The following TUT7 variants were observed in gnomAD, a reference collection of about 807,000 sequenced individuals.
TUT7 encodes terminal uridylyl transferase 7.
In TUT7, 33 loss-of-function variants were observed where a neutral mutation model predicts 165.9. The observed-to-expected ratio is 0.20, with a 90% CI of 0.15 to 0.27. The LOEUF (loss-of-function observed/expected upper bound fraction) is 0.27. Ranked by LOEUF, TUT7 falls within the 10% of genes least tolerant of loss-of-function variation. The probability of loss-of-function intolerance (pLI) is 1.00; values close to 1 mark genes in which losing one functional copy is unlikely to be tolerated. For missense variants in TUT7, 1,338 were observed against 1,762.3 expected (o/e 0.76, Z 4.31); for synonymous variants, 552 against 608.1 (o/e 0.91, Z 1.36).
In TUT7 at chr9:86,323,806, T is replaced by C. The variant is rs367981279; in HGVS notation, c.1944A>G (p.Thr648=). 3 of 1,613,968 alleles carry C rather than the reference T, an allele frequency of 1.9e-6. No individual in the cohort carries two copies. Among genetic ancestry groups the C allele is most frequent in the African/African-American group, 1.3e-5 (1 of 74,934 alleles). Residue 648 remains threonine, a synonymous_variant, in exon 13 of 27, where the codon ACA becomes ACG. Transcript: ENST00000375963. ...SSLLKPLNAI[T]CISEHSKEVI... is the part of the protein sequence containing the mutation. ...CTTCTTTAGAATGTTCTGAAATACA[T>C]GTAATTGCATTCAGAGGCTTTAGAA...
In TUT7 at chr9:86,319,588, A is replaced by G. The variant is rs754550222; in HGVS notation, c.3111T>C (p.Phe1037=). The part of the protein sequence containing the change: ...QNLESFIRQD[F]PGTKLSLFGS... ...AATAAAAAATAAATCATTTACCTGG[A>G]AAGTCCTGTCTTATGAAACTTTCTA... The change falls in exon 15 of 27, where the codon TTT becomes TTC. Residue 1037 remains phenylalanine (F), a synonymous_variant. Coordinates refer to ENST00000375963, the MANE Select transcript of TUT7 (RefSeq NM_024617.4). The G allele has an allele frequency of 5.7e-5, 90 of 1,592,404 alleles. No individual in the cohort carries two copies. Among genetic ancestry groups the G allele is most frequent in the African/African-American group, 8.1e-5 (6 of 73,810 alleles).
chr9:86,350,568 G>C (rs982375485), intron 2 of TUT7, among the ~76,000 whole-genome samples: 2 of 152,236 alleles, frequency 1.3e-5, no homozygotes, highest in African/African-American at 2.4e-5. Flanking sequence ...CAGAGTAGCA[G>C]AGTCCCCAAT....
chr9:86,353,447 T>C (rs1832473791), intron 1 of TUT7, among the ~76,000 whole-genome samples: 1 of 152,162 alleles, frequency 6.6e-6, no homozygotes. Flanking sequence ...AATTAATACT[T>C]ACTATTTAGC....
chr9:86,324,875 C>T (rs1829649230), intron 12 of TUT7, among the ~76,000 whole-genome samples: 1 of 152,200 alleles, frequency 6.6e-6, no homozygotes, highest in African/African-American at 2.4e-5. Flanking sequence ...AAAATAACTA[C>T]TCATTCTCTC....
In TUT7 at chr9:86,311,639, C is replaced by CCCTCTGATGCCGGTCTA. The variant is rs1451264260; in HGVS notation, c.3275-831_3275-830insTAGACCGGCATCAGAGG. 6.6e-6 allele frequency among the ~76,000 whole-genome samples: 1 copy of CCCTCTGATGCCGGTCTA among 151,982 alleles called. No individual in the cohort carries two copies. The highest frequency in any genetic ancestry group is 2.4e-5 in the African/African-American group (1 of 41,344). On this transcript the variant is annotated intron_variant, in intron 17 of 26. Transcript: ENST00000375963. This position sits in a 1 kb window ranked among gnomAD's most constrained non-coding sequence, Gnocchi z 4.4. ...CCCTCTCCCTCTCTTTCCACGGTCT[C>CCCTCTGATGCCGGTCTA]CCTCTGATGCCGGTCTCCCTCTGAT...
At chr9:86,301,131 G>A in intron 26 of TUT7, 145 bp downstream of exon 26, 1 of 736,164 alleles carries the variant, frequency 1.4e-6, no homozygotes, top group African/African-American at 1.8e-5. Flanking sequence ...GAGGGGGAAG[G>A]GATTTTACTT....
Position 86,344,963 on chromosome 9 carries a change from A to C in TUT7, c.997+14T>G. 6.3e-7 allele frequency: 1 copy of C among 1,595,964 alleles called. No individual in the cohort carries two copies. The highest frequency in any genetic ancestry group is 8.5e-7 in the Non-Finnish European group (1 of 1,171,936). ...TTTTAGGTAGTTAAATAGAAAAACA[A>C]ATCTAGAAAATACCTGGTAACTTGT... On this transcript the variant is annotated intron_variant, in intron 5 of 26. Transcript: ENST00000375963.
intron 6 of TUT7, among the ~76,000 whole-genome samples, chr9:86,341,293 T>C (rs1346543069): frequency 6.6e-6 from 1 of 152,230 alleles, no homozygotes; most frequent in African/African-American, 2.4e-5. Context: ...ATTTAACTAA[T>C]TATTGAGGTT....
In TUT7 at chr9:86,332,057, T is replaced by A. The variant is rs544633049; in HGVS notation, c.1456-3565A>T. On this transcript the variant is annotated intron_variant, in intron 10 of 26. Coordinates refer to ENST00000375963, the MANE Select transcript of TUT7 (RefSeq NM_024617.4). ...AAATCAAAACCACAATGAGATACCA[T>A]CTTACACCAGTCAGAATACTATTAA... is the stretch of plus-strand genomic sequence containing the variant. Among the ~76,000 whole-genome samples the A allele has an allele frequency of 3.9e-5, 6 of 152,096 alleles. No homozygotes were observed. The South Asian group carries it at 6.2e-4, about 16-fold the overall frequency.
chr9:86,334,506 T>C (rs1218459302), intron 10 of TUT7, among the ~76,000 whole-genome samples: 3 of 152,218 alleles, frequency 2.0e-5, no homozygotes, highest in African/African-American at 7.2e-5. Context: ...GGCCTTCTGC[T>C]CTGGTAAGCT....
At chr9:86,343,551 G>A (rs1189833755) in intron 5 of TUT7, among the ~76,000 whole-genome samples, 2 of 152,068 alleles carry the variant, frequency 1.3e-5, no homozygotes, top group Non-Finnish European at 2.9e-5. Flanking sequence ...TTATAAACCT[G>A]ATAGTATATT....
intron 26 of TUT7, among the ~76,000 whole-genome samples, chr9:86,294,498 T>C (rs2131265118): frequency 6.6e-6 from 1 of 152,184 alleles, no homozygotes; most frequent in East Asian, 1.9e-4. Context: ...TATTGTAATA[T>C]ATCTTCTATT....
intron 16 of TUT7, among the ~76,000 whole-genome samples, chr9:86,317,903 A>C (rs1425145181): frequency 6.6e-6 from 1 of 152,234 alleles, no homozygotes; most frequent in Non-Finnish European, 1.5e-5. Context: ...AAATGCCCTC[A>C]AAACTAGTTT....
At chr9:86,325,970 C>T (rs1403699700) in intron 11 of TUT7, among the ~76,000 whole-genome samples, 1 of 152,196 alleles carries the variant, frequency 6.6e-6, no homozygotes, top group Non-Finnish European at 1.5e-5. Flanking sequence ...TGAGAAGCTA[C>T]ATAAGCACAT....
intron 17 of TUT7, among the ~76,000 whole-genome samples, chr9:86,315,209 T>C (rs1259456325): frequency 6.6e-6 from 1 of 152,250 alleles, no homozygotes; most frequent in Non-Finnish European, 1.5e-5. Context: ...GTTTTAAAGA[T>C]ATGAAGTTTT....
chr9:86,328,780 G>A (rs1385113689), intron 10 of TUT7, among the ~76,000 whole-genome samples: 2 of 152,174 alleles, frequency 1.3e-5, no homozygotes, highest in Non-Finnish European at 2.9e-5. Context: ...AAGTAAAACT[G>A]CCTGGTCCCA....
At chr9:86,304,558 G>A (rs1827273493) in intron 24 of TUT7, among the ~76,000 whole-genome samples, 1 of 151,734 alleles carries the variant, frequency 6.6e-6, no homozygotes. Flanking sequence ...AATGCTGGCA[G>A]AACAGCAATG....
At chr9:86,345,607 A>T in intron 4 of TUT7, 62 bp downstream of exon 4, 1 of 1,225,788 alleles carries the variant, frequency 8.2e-7, no homozygotes, top group South Asian at 1.3e-5. Context: ...AGAAAGCCAC[A>T]AAGATGACAA....
Position 86,301,882 on chromosome 9 carries a change from G to C in TUT7, c.4095-281C>G, listed in dbSNP as rs182455324. 6 of 981,476 alleles carry C rather than the reference G, an allele frequency of 6.1e-6. No homozygotes were observed. The Admixed American group carries it at 3.7e-4, about 60-fold the overall frequency. The allele number at this position is 981,476 out of a possible 1,614,324, so 60.8% of individuals were successfully genotyped here. A position where few individuals can be genotyped will look rare whatever the true frequency, so the allele number is the denominator to read the frequency against. ...CACTCCTTGGCTGAATGCCTACTTT[G>C]ACACTGATGTAATGAAAGGCAAATC... On this transcript the variant is annotated intron_variant, in intron 25 of 26. Coordinates refer to ENST00000375963, the MANE Select transcript of TUT7 (RefSeq NM_024617.4).
Sources: allele counts gnomAD v4.1 joint callset (sites outside exome capture counted in the v4.1 genomes callset), GRCh38; gene constraint gnomAD v4.1.1; non-coding constraint Gnocchi (gnomAD v3.1); transcripts MANE v1.5; gene names NCBI Gene and HGNC (gene_info 2026-07-23, HGNC 2026-07-21).